MED13L: variants seen among roughly 807,000 people sequenced by gnomAD.
MED13L encodes the protein mediator of RNA polymerase II transcription subunit 13-like.
A neutral mutation model predicts 220.9 loss-of-function variants in MED13L; 7 were observed. That is an observed-to-expected ratio of 0.03 (90% CI 0.02 to 0.06). The LOEUF is 0.06. Ranked by LOEUF, MED13L falls within the 10% of genes least tolerant of loss-of-function variation. MED13L has a pLI of 1.00. For missense variants in MED13L, 1,965 were observed against 2,760.5 expected, an observed-to-expected ratio of 0.71 and a Z score of 6.46; for synonymous variants, 1,011 against 1,015.2, an observed-to-expected ratio of 1.00 and a Z score of 0.08.
At chr12:116,177,801 T>C (rs1880183988) in intron 2 of MED13L, among the ~76,000 whole-genome samples, 1 of 152,184 alleles carries the variant, frequency 6.6e-6, no homozygotes, top group South Asian at 2.1e-4. Context: ...GAAAAGTATT[T>C]AGTAACAACA....
chr12:116,077,414 T>A (rs779731768), intron 4 of MED13L, among the ~76,000 whole-genome samples: 9 of 152,168 alleles, frequency 5.9e-5, no homozygotes, highest in Non-Finnish European at 1.0e-4. Flanking sequence ...TATTAGGAAA[T>A]TAGTAAATAA....
At chr12:116,077,606 T>C (rs1330715494) in intron 4 of MED13L, among the ~76,000 whole-genome samples, 1 of 152,196 alleles carries the variant, frequency 6.6e-6, no homozygotes. Context: ...TATATACATA[T>C]GTATTTGTGT....
At position 115,983,142 on chromosome 12, in the gene MED13L, G is replaced by T. The variant is rs768618280; in HGVS notation, c.4930C>A (p.Gln1644Lys). 2 of 1,614,060 alleles carry T rather than the reference G, an allele frequency of 1.2e-6. No individual in the cohort carries two copies. The highest frequency in any genetic ancestry group is 1.7e-6 in the Non-Finnish European group (2 of 1,179,950). Residue 1644 changes from glutamine (Q) to lysine (K), a missense_variant, in exon 21 of 31, where the codon CAG becomes AAG. Around this residue, in one of 10 missense-constraint regions of MED13L, gnomAD observed 510 missense variants for 620.4 expected, o/e 0.82. Coordinates refer to ENST00000281928, the MANE Select transcript of MED13L (RefSeq NM_015335.5). ...CTCTCTTGTCCATCCTGTGAGGGCT[G>T]AGAAGAGCTCTGCCCAGGGTCAGTG... ...GDTDPGQSSSQPSQDGQESVT... is the reference protein window; with the variant it reads ...GDTDPGQSSSKPSQDGQESVT...
chr12:116,275,447 G>A (rs1053864524), intron 1 of MED13L, among the ~76,000 whole-genome samples: 3 of 152,178 alleles, frequency 2.0e-5, no homozygotes, highest in African/African-American at 7.2e-5. Context: ...TGGGAGCAAT[G>A]ATACTATGTC....
intron 2 of MED13L, among the ~76,000 whole-genome samples, chr12:116,229,077 A>AC (rs1452064806): frequency 6.6e-6 from 1 of 152,158 alleles, no homozygotes; most frequent in Non-Finnish European, 1.5e-5. Flanking sequence ...ACACCAGGCC[A>AC]CAACAGCCTC....
intron 2 of MED13L, among the ~76,000 whole-genome samples, chr12:116,177,444 C>G (rs977970252): frequency 6.6e-6 from 1 of 152,130 alleles, no homozygotes; most frequent in Non-Finnish European, 1.5e-5. Context: ...TAATTTATGT[C>G]CATCTTGACC....
In MED13L at chr12:116,008,588, T is replaced by C. The variant is rs1472510111; in HGVS notation, c.1825A>G (p.Met609Val). The change falls in exon 10 of 31, where the codon ATG (methionine) becomes GTG (valine). Residue 609 changes from methionine (M) to valine (V), a missense_variant. This residue lies in a region of MED13L where 818 missense variants were observed against 1,041.2 expected (regional missense o/e 0.79). Transcript: ENST00000281928. ...TVLVGQRLPL[M>V]AEVSETALYC... is the part of the protein sequence containing the mutation. ...AAGGCTGTCTCGCTGACCTCTGCCA[T>C]GAGAGGCAGTCTTTGGCCTACGAGG... 3 of 1,613,880 alleles carry C rather than the reference T, an allele frequency of 1.9e-6. No homozygotes were observed. The African/African-American group carries it at 4.0e-5, about 22-fold the overall frequency.
intron 4 of MED13L, among the ~76,000 whole-genome samples, chr12:116,036,293 A>AAAT (rs1264245817): frequency 2.6e-5 from 4 of 152,214 alleles, no homozygotes; most frequent in African/African-American, 9.6e-5. Context: ...CAATAGGAGA[A>AAAT]AATAATATGT....
chr12:116,076,468 T>C (rs1476410201), intron 4 of MED13L, among the ~76,000 whole-genome samples: 1 of 152,140 alleles, frequency 6.6e-6, no homozygotes, highest in Non-Finnish European at 1.5e-5. Flanking sequence ...GCCCAGGAGT[T>C]GGAGGCTGCA....
At chr12:115,998,798 T>C (rs1159282265) in intron 14 of MED13L, among the ~76,000 whole-genome samples, 1 of 152,180 alleles carries the variant, frequency 6.6e-6, no homozygotes, top group Non-Finnish European at 1.5e-5. Flanking sequence ...ATTCCAACAT[T>C]CATTTCCATT....
intron 2 of MED13L, among the ~76,000 whole-genome samples, chr12:116,218,706 C>CTA (rs1008004526): frequency 1.3e-5 from 2 of 151,926 alleles, no homozygotes; most frequent in African/African-American, 4.8e-5. Context: ...TTAAGCAAAG[C>CTA]ATTTAAGGCA....
At chr12:116,002,931 C>G in intron 14 of MED13L, 72 bp downstream of exon 14, 1 of 1,198,518 alleles carries the variant, frequency 8.3e-7, no homozygotes, top group Admixed American at 1.7e-5. Context: ...TAAAGCACCA[C>G]TAAGTATGAG....
chr12:116,073,090 T>C (rs1359148943), intron 4 of MED13L, among the ~76,000 whole-genome samples: 1 of 152,216 alleles, frequency 6.6e-6, no homozygotes, highest in Non-Finnish European at 1.5e-5. Context: ...ATTGTGAATA[T>C]GTCTGGTGAA....
At chr12:116,193,364 AT>A (rs1881408897) in intron 2 of MED13L, among the ~76,000 whole-genome samples, 1 of 152,198 alleles carries the variant, frequency 6.6e-6, no homozygotes, top group African/African-American at 2.4e-5. Flanking sequence ...ATAATCAAAA[AT>A]ATTTTTCAAT....
intron 2 of MED13L, among the ~76,000 whole-genome samples, chr12:116,135,990 G>T (rs1470480171): frequency 6.7e-6 from 1 of 148,706 alleles, no homozygotes; most frequent in Non-Finnish European, 1.5e-5. Flanking sequence ...TGCAACCTCC[G>T]CCTCCTGGGT....
chr12:116,208,274 G>A (rs1365778904), intron 2 of MED13L, among the ~76,000 whole-genome samples: 2 of 152,146 alleles, frequency 1.3e-5, no homozygotes, highest in Non-Finnish European at 2.9e-5. Flanking sequence ...GTGGGCGCCT[G>A]TAATCCCAGC....
intron 12 of MED13L, 75 bp from the exon 13 acceptor site, chr12:116,006,068 C>T: frequency 6.3e-7 from 1 of 1,581,974 alleles, no homozygotes. Flanking sequence ...GGACACGGAT[C>T]TCAATGAACA....
At position 116,196,829 on chromosome 12, in the gene MED13L, T is replaced by C. The variant is rs190381750; in HGVS notation, c.310+40639A>G. Among the ~76,000 whole-genome samples the C allele has an allele frequency of 5.1e-4, 77 of 152,320 alleles. 1 individual carries two copies. Among genetic ancestry groups the C allele is most frequent in the South Asian group, 2.1e-4 (1 of 4,816 alleles). On this transcript the variant is annotated intron_variant, in intron 2 of 30. Coordinates refer to ENST00000281928, the MANE Select transcript of MED13L (RefSeq NM_015335.5). The stretch of plus-strand genomic sequence containing the variant: ...TTAAGACATACAGCTGGTTAAAGTT[T>C]TGTGTATTTTAGGGGCACTATCAGA...
intron 2 of MED13L, among the ~76,000 whole-genome samples, chr12:116,134,242 A>G (rs11067919): frequency 0.013 from 1,931 of 152,312 alleles, 22 homozygotes; most frequent in Admixed American, 0.018. Flanking sequence ...AATCTGGATG[A>G]TTAGTGTTGG....
Sources: gnomAD v4.1 joint callset for allele counts (sites outside exome capture counted in the v4.1 genomes callset) on GRCh38, gnomAD v4.1.1 for gene constraint, gnomAD v4.1.1 regional missense constraint, MANE v1.5 for transcripts, NCBI Gene and HGNC (gene_info 2026-07-23, HGNC 2026-07-21) for gene names.